Variants in SNX29 observed in about 807,000 individuals in gnomAD.
SNX29 encodes the protein sorting nexin-29.
A neutral mutation model predicts 102.1 loss-of-function variants in SNX29; 78 were observed. The observed-to-expected ratio is 0.76, with a 90% CI of 0.64 to 0.92. SNX29 has a LOEUF of 0.92. SNX29 is among the 40% of genes least tolerant of loss of function. The pLI is 0.00. For missense variants in SNX29, 1,280 were observed against 1,061.7 expected (o/e 1.21, Z -2.86); for synonymous variants, 580 against 414.5 (o/e 1.40, Z -4.85).
intron 18 of SNX29, among the ~76,000 whole-genome samples, chr16:12,415,290 C>A (rs2084582631): frequency 6.6e-6 from 1 of 152,248 alleles, no homozygotes; most frequent in Admixed American, 6.5e-5. Context: ...GTGGGCAGGA[C>A]CCCAATAATG....
At chr16:12,470,921 T>C (rs1377105586) in intron 18 of SNX29, among the ~76,000 whole-genome samples, 2 of 152,200 alleles carry the variant, frequency 1.3e-5, no homozygotes, top group Non-Finnish European at 2.9e-5. Context: ...CCCAGTGACA[T>C]TGGCATTGGC....
At chr16:12,061,744 C>T (rs529918715) in intron 9 of SNX29, 98 bp downstream of exon 9, 73 of 981,428 alleles carry the variant, frequency 7.4e-5, no homozygotes, top group South Asian at 5.6e-4. Flanking sequence ...GAATGGGAGC[C>T]GGGAGGCACG....
intron 13 of SNX29, among the ~76,000 whole-genome samples, chr16:12,176,006 AAACAACAACAAC>A (rs144666243): frequency 6.6e-6 from 1 of 151,142 alleles, no homozygotes; most frequent in Non-Finnish European, 1.5e-5. Context: ...ACCTTGTCTA[AAACAACAACAAC>A]AACAACAAAA....
intron 20 of SNX29, chr16:12,545,341 G>C (rs8048146): frequency 0.38 from 58,328 of 151,928 alleles, 11,379 homozygotes; most frequent in East Asian, 0.59. Context: ...GTGTCACATA[G>C]TTCCAAGTAC....
chr16:12,020,750 A>G (rs2056994944), intron 3 of SNX29, among the ~76,000 whole-genome samples: 1 of 151,534 alleles, frequency 6.6e-6, no homozygotes, highest in Admixed American at 6.6e-5. Flanking sequence ...CAGCCACCTG[A>G]GTAGCTGGGA....
At chr16:12,384,807 T>C (rs768599288) in intron 16 of SNX29, among the ~76,000 whole-genome samples, 5 of 152,232 alleles carry the variant, frequency 3.3e-5, no homozygotes, top group Non-Finnish European at 5.9e-5. Flanking sequence ...CCCACAGACT[T>C]CTGGGGCAGT....
chr16:12,512,291 G>T (rs1180078940), intron 19 of SNX29, among the ~76,000 whole-genome samples: 3 of 148,618 alleles, frequency 2.0e-5, no homozygotes, highest in Non-Finnish European at 4.5e-5. Flanking sequence ...GAGCTGGATG[G>T]TGAGGGCCCT....
At position 12,540,601 on chromosome 16, in the gene SNX29, G is replaced by C. The variant is rs77718125; in HGVS notation, c.2318+15760G>C. Among the ~76,000 whole-genome samples, 332 of 152,296 alleles carry C rather than the reference G, an allele frequency of 2.2e-3. 2 individuals carry two copies. The highest frequency in any genetic ancestry group is 7.6e-3 in the African/African-American group (316 of 41,554). The stretch of plus-strand genomic sequence containing the variant: ...CCCAGCAATTACTCTGGGACCCTGA[G>C]ATTCCATGGGGTGGACCTAAAGAGT... On this transcript the variant is annotated intron_variant, in intron 20 of 20. Coordinates refer to ENST00000566228, the MANE Select transcript of SNX29 (RefSeq NM_032167.5).
At chr16:12,524,539 T>C (rs1351249474) in intron 19 of SNX29, among the ~76,000 whole-genome samples, 163 bp from the exon 20 acceptor site, 2 of 150,246 alleles carry the variant, frequency 1.3e-5, no homozygotes, top group East Asian at 1.9e-4. Flanking sequence ...TGTTATTACA[T>C]GTGATACTAC....
chr16:12,346,663 C>T (rs2081818819), intron 15 of SNX29, among the ~76,000 whole-genome samples: 1 of 152,198 alleles, frequency 6.6e-6, no homozygotes, highest in Non-Finnish European at 1.5e-5. Context: ...AGGAACACAC[C>T]TTTCAGCAGA....
intron 13 of SNX29, among the ~76,000 whole-genome samples, chr16:12,135,954 C>T (rs1022811592): frequency 1.3e-5 from 2 of 152,168 alleles, no homozygotes; most frequent in East Asian, 1.9e-4. Context: ...GCCCCTTGGA[C>T]TGCTTCTCAG....
chr16:12,155,880 C>G (rs1175534942), intron 13 of SNX29, among the ~76,000 whole-genome samples: 1 of 152,200 alleles, frequency 6.6e-6, no homozygotes, highest in African/African-American at 2.4e-5. Flanking sequence ...CTCATGAGAT[C>G]ACTCCTCTGC....
At chr16:12,417,350 G>T (rs1460317980) in intron 18 of SNX29, among the ~76,000 whole-genome samples, 2 of 152,184 alleles carry the variant, frequency 1.3e-5, no homozygotes, top group Non-Finnish European at 2.9e-5. Context: ...CTGTCCAGGT[G>T]TCTTTCCTTG....
intron 16 of SNX29, among the ~76,000 whole-genome samples, chr16:12,388,200 G>A (rs187000885): frequency 5.1e-4 from 77 of 152,300 alleles, no homozygotes; most frequent in African/African-American, 1.8e-3. Flanking sequence ...GAGACAGCAG[G>A]TGTTATAGAA....
chr16:12,382,715 G>T (rs2083213584), intron 16 of SNX29, among the ~76,000 whole-genome samples: 1 of 152,180 alleles, frequency 6.6e-6, no homozygotes, highest in Admixed American at 6.5e-5. Context: ...GCAGGGCTGT[G>T]TTCCCCCTGG....
intron 14 of SNX29, among the ~76,000 whole-genome samples, chr16:12,205,051 C>T (rs11075056): frequency 0.018 from 2,745 of 152,292 alleles, 36 homozygotes; most frequent in Middle Eastern, 0.027. Context: ...TCAGTTTCCC[C>T]GGCCTTCCAA....
intron 11 of SNX29, among the ~76,000 whole-genome samples, chr16:12,099,792 T>C (rs2052930636): frequency 6.6e-6 from 1 of 152,164 alleles, no homozygotes; most frequent in African/African-American, 2.4e-5. Flanking sequence ...CCTGGGGTGC[T>C]AGCCCACCTC....
chr16:12,440,866 G>A (rs536022979), intron 18 of SNX29, among the ~76,000 whole-genome samples: 63 of 152,236 alleles, frequency 4.1e-4, no homozygotes, highest in African/African-American at 1.3e-3. Context: ...TGGATTCCAC[G>A]TCTTTGCTAT....
At chr16:12,568,415 C>CT in intron 20 of SNX29, 91 bp from the exon 21 acceptor site, 1 of 1,549,166 alleles carries the variant, frequency 6.5e-7, no homozygotes, top group Non-Finnish European at 8.7e-7. Flanking sequence ...AATCAGATCC[C>CT]TCCTGCCCTC....
Sources: gnomAD v4.1 joint callset for allele counts (sites outside exome capture counted in the v4.1 genomes callset) on GRCh38, gnomAD v4.1.1 for gene constraint, MANE v1.5 for transcripts, NCBI Gene and HGNC (gene_info 2026-07-23, HGNC 2026-07-21) for gene names.